NTRK2: variants seen among roughly 807,000 people sequenced by gnomAD.
The protein encoded by NTRK2 is neurotrophic receptor tyrosine kinase 2, also known as BDNF/NT-3 growth factors receptor.
In NTRK2, 13 loss-of-function variants were observed where a neutral mutation model predicts 94.5. The observed-to-expected ratio is 0.14, with a 90% CI of 0.09 to 0.22. The LOEUF is 0.22. Among genes scored for constraint, NTRK2 ranks in the 10% least tolerant of loss-of-function variants. NTRK2 has a pLI of 1.00. For synonymous variants in NTRK2, 372 were observed against 407.4 expected, an observed-to-expected ratio of 0.91 and a Z score of 1.05; for missense variants, 639 against 1,071.2, an observed-to-expected ratio of 0.60 and a Z score of 5.63.
intron 17 of NTRK2, among the ~76,000 whole-genome samples, chr9:85,006,270 C>T (rs536430797): frequency 2.0e-5 from 3 of 152,332 alleles, no homozygotes; most frequent in African/African-American, 7.2e-5. Flanking sequence ...AGTTACTGCA[C>T]AGTACTCTGG....
intron 12 of NTRK2, among the ~76,000 whole-genome samples, chr9:84,771,031 A>G (rs2066494520): frequency 6.6e-6 from 1 of 152,236 alleles, no homozygotes; most frequent in South Asian, 2.1e-4. Context: ...GAAGAGATAA[A>G]ATACATTAGA....
chr9:85,017,979 C>A (rs1275190311), intron 17 of NTRK2, among the ~76,000 whole-genome samples: 1 of 152,000 alleles, frequency 6.6e-6, no homozygotes, highest in Non-Finnish European at 1.5e-5. Context: ...AGATGTATAG[C>A]AGAAGGGATT....
At chr9:84,690,777 C>CT (rs1284484036) in intron 2 of NTRK2, among the ~76,000 whole-genome samples, 2 of 151,848 alleles carry the variant, frequency 1.3e-5, no homozygotes, top group Admixed American at 1.3e-4. Context: ...CAAGATTTTA[C>CT]TTTTTAATGA....
Position 84,843,081 on chromosome 9 carries a change from T to A in NTRK2, c.1397-17959T>A, listed in dbSNP as rs372651253. On this transcript the variant is annotated intron_variant, in intron 12 of 18. Transcript: ENST00000277120. ...AGTTCCCTCCTGTAGGAATGGGGGG[T>A]CATAGCATCTACTGGATGGTATTAC... 6.7e-4 allele frequency among the ~76,000 whole-genome samples: 102 copies of A among 152,084 alleles called. 2 individuals are homozygous for A. In the South Asian group the frequency reaches 0.02, roughly 30 times the overall value.
chr9:84,672,993 T>A (rs886224002), intron 2 of NTRK2, among the ~76,000 whole-genome samples: 12 of 152,208 alleles, frequency 7.9e-5, no homozygotes, highest in African/African-American at 9.6e-5. Flanking sequence ...CCCTTTTGAT[T>A]TGAAAACCTC....
In NTRK2 at chr9:84,956,777, C is replaced by T. The variant is rs1470909091; in HGVS notation, c.2172+1260C>T. ...GGCCTCTGCGTTTTAGTGGGGTGAA[C>T]TTTGCTATAATTAGTGTAAGAAAAT... On this transcript the variant is annotated intron_variant, in intron 17 of 18. Coordinates refer to ENST00000277120, the MANE Select transcript of NTRK2 (RefSeq NM_006180.6). Among the ~76,000 whole-genome samples the T allele has an allele frequency of 3.3e-5, 5 of 151,952 alleles. No individual in the cohort carries two copies. The East Asian group carries it at 9.6e-4, about 29-fold the overall frequency.
intron 14 of NTRK2, among the ~76,000 whole-genome samples, chr9:84,931,728 A>C (rs964768743): frequency 1.8e-4 from 28 of 151,668 alleles, no homozygotes; most frequent in Admixed American, 2.6e-4. Flanking sequence ...AAAAAAAAAA[A>C]AACAAAAAAA....
At chr9:84,916,698 C>T (rs2077403699) in intron 14 of NTRK2, among the ~76,000 whole-genome samples, 1 of 152,108 alleles carries the variant, frequency 6.6e-6, no homozygotes, top group East Asian at 1.9e-4. Context: ...GAGCCTGATA[C>T]TGCTGACTTT....
chr9:84,989,247 C>T lies in NTRK2; in HGVS notation c.2173-30959C>T, dbSNP rs372551813. 7.9e-5 allele frequency among the ~76,000 whole-genome samples: 12 copies of T among 152,308 alleles called. No homozygotes were observed. The South Asian group carries it at 2.5e-3, about 32-fold the overall frequency. On this transcript the variant is annotated intron_variant, in intron 17 of 18. Coordinates refer to ENST00000277120, the MANE Select transcript of NTRK2 (RefSeq NM_006180.6). ...TGCCTTTTGTTTGAGGCACTAAATA[C>T]TTCTCTGAAAATTATCTCTTTATAT... is the stretch of plus-strand genomic sequence containing the variant.
At position 84,885,179 on chromosome 9, in the gene NTRK2, C is replaced by T. The variant is rs150002268; in HGVS notation, c.1633+17748C>T. ...TGAGGTCCCTCCAGGCTACTCAGTTCTGCAATCTGTGATTTAAGTAAATCA... is the reference window on the plus strand; with the variant it reads ...TGAGGTCCCTCCAGGCTACTCAGTTTTGCAATCTGTGATTTAAGTAAATCA... On this transcript the variant is annotated intron_variant, in intron 14 of 18. Transcript: ENST00000277120. 4.0e-3 allele frequency among the ~76,000 whole-genome samples: 613 copies of T among 152,280 alleles called. 4 individuals are homozygous for T. The highest frequency in any genetic ancestry group is 4.8e-3 in the Non-Finnish European group (327 of 68,022).
chr9:84,843,264 G>T lies in NTRK2; in HGVS notation c.1397-17776G>T, dbSNP rs551924705. ...AGATGAGTAGTTATTATGCCTGCAGGTGCTCTGGATGCCTTGTAAAGTGAA... is the reference window on the plus strand; with the variant it reads ...AGATGAGTAGTTATTATGCCTGCAGTTGCTCTGGATGCCTTGTAAAGTGAA... On this transcript the variant is annotated intron_variant, in intron 12 of 18. Coordinates refer to ENST00000277120, the MANE Select transcript of NTRK2 (RefSeq NM_006180.6). Among the ~76,000 whole-genome samples the T allele has an allele frequency of 1.7e-4, 26 of 152,264 alleles. 1 individual carries two copies. Among genetic ancestry groups the T allele is most frequent in the Admixed American group, 8.5e-4 (13 of 15,300 alleles).
chr9:84,707,784 T>C, intron 4 of NTRK2, 60 bp from the exon 5 acceptor site: 1 of 1,255,716 alleles, frequency 8.0e-7, no homozygotes, highest in Non-Finnish European at 1.2e-6. Context: ...TCTATTTGAA[T>C]ACTGTGTTCC....
chr9:84,876,619 T>G (rs1312661859), intron 14 of NTRK2: 1 of 1,058,272 alleles, frequency 9.4e-7, no homozygotes, highest in Non-Finnish European at 1.1e-6. Flanking sequence ...TCCATAAACA[T>G]CAATATCTTT....
At chr9:84,836,727 TCCGCTGGGG>T (rs1382201332) in intron 12 of NTRK2, among the ~76,000 whole-genome samples, 1 of 148,906 alleles carries the variant, frequency 6.7e-6, no homozygotes, top group Non-Finnish European at 1.5e-5. Flanking sequence ...CACTACCACC[TCCGCTGGGG>T]CCTTGGGGAG....
At chr9:84,691,586 T>C (rs925105295) in intron 2 of NTRK2, among the ~76,000 whole-genome samples, 2 of 152,176 alleles carry the variant, frequency 1.3e-5, no homozygotes, top group African/African-American at 4.8e-5. Flanking sequence ...CATCCTTTTA[T>C]AAAGACCAAG....
At chr9:84,692,210 TTAAATAC>T (rs2060088832) in intron 2 of NTRK2, among the ~76,000 whole-genome samples, 1 of 152,034 alleles carries the variant, frequency 6.6e-6, no homozygotes, top group African/African-American at 2.4e-5. Flanking sequence ...ATTATATTAA[TTAAATAC>T]GTTGGAAGAA....
rs1186730697 is a variant in NTRK2, at chr9:84,741,905, T to C, written c.1173T>C (p.Asn391=). ...TTTGCCTTTTAGGTGCAAACCCAAA[T>C]TATCCTGATGTAATTTATGAAGGTA... ...WPGIDDGANP[N]YPDVIYEDYG... The change falls in exon 10 of 19, where the codon AAT becomes AAC. Residue 391 remains asparagine (N), a synonymous_variant. Coordinates refer to ENST00000277120, the MANE Select transcript of NTRK2 (RefSeq NM_006180.6). The C allele has an allele frequency of 6.2e-7, 1 of 1,613,046 alleles. No individual in the cohort carries two copies. Among genetic ancestry groups the C allele is most frequent in the Admixed American group, 1.7e-5 (1 of 59,998 alleles).
intron 12 of NTRK2, among the ~76,000 whole-genome samples, chr9:84,819,788 T>C (rs2072669239): frequency 1.3e-5 from 2 of 152,194 alleles, no homozygotes; most frequent in Non-Finnish European, 2.9e-5. Context: ...CTATTTTCCC[T>C]TCCTGATCCC....
intron 14 of NTRK2, chr9:84,875,042 C>G (rs201509733): frequency 9.4e-7 from 1 of 1,058,834 alleles, no homozygotes; most frequent in African/African-American, 1.6e-5. Context: ...AAAGATGAAA[C>G]GAAAAGTCCC....
Sources: allele counts gnomAD v4.1 joint callset (sites outside exome capture counted in the v4.1 genomes callset), GRCh38; gene constraint gnomAD v4.1.1; transcripts MANE v1.5; gene names NCBI Gene and HGNC (gene_info 2026-07-23, HGNC 2026-07-21).